The following FRMD4A variants were observed in gnomAD, a reference collection of about 807,000 sequenced individuals.
FRMD4A encodes the protein FERM domain-containing protein 4A.
In FRMD4A, 29 loss-of-function variants were observed where a neutral mutation model predicts 129.1. The observed-to-expected ratio is 0.22, with a 90% CI of 0.17 to 0.31. The LOEUF (loss-of-function observed/expected upper bound fraction) is 0.31, where lower values mean the gene tolerates loss of function less well. FRMD4A is among the 10% of genes least tolerant of loss of function. The pLI, the probability that FRMD4A is intolerant of heterozygous loss-of-function variation, is 1.00. For synonymous variants in FRMD4A, 634 were observed against 571.6 expected, an observed-to-expected ratio of 1.11 and a Z score of -1.56; for missense variants, 1,272 against 1,375.8, an observed-to-expected ratio of 0.92 and a Z score of 1.19.
At chr10:13,916,109 A>C (rs1565031871) in intron 2 of FRMD4A, among the ~76,000 whole-genome samples, 1 of 152,298 alleles carries the variant, frequency 6.6e-6, no homozygotes, top group South Asian at 2.1e-4. Context: ...CTCAAGATGG[A>C]AGCCAGTATC....
intron 4 of FRMD4A, among the ~76,000 whole-genome samples, chr10:13,796,874 C>T (rs890387410): frequency 3.3e-5 from 5 of 152,118 alleles, no homozygotes; most frequent in Admixed American, 1.3e-4. Context: ...CATGAGCCAC[C>T]ATGCCCGGCT....
At chr10:14,119,131 G>T (rs912946068) in intron 2 of FRMD4A, among the ~76,000 whole-genome samples, 2 of 152,130 alleles carry the variant, frequency 1.3e-5, no homozygotes, top group Non-Finnish European at 2.9e-5. Context: ...AAGCACTCAG[G>T]GCAGGCCAAG....
intron 2 of FRMD4A, among the ~76,000 whole-genome samples, chr10:14,127,692 C>A (rs1838922132): frequency 6.6e-6 from 1 of 152,274 alleles, no homozygotes; most frequent in Middle Eastern, 3.4e-3. Flanking sequence ...CTGACTATAT[C>A]CCCACTGAAC....
intron 2 of FRMD4A, among the ~76,000 whole-genome samples, chr10:14,170,976 C>T (rs897749342): frequency 2.1e-4 from 32 of 151,730 alleles, no homozygotes; most frequent in Non-Finnish European, 1.5e-4. Context: ...GCAAATTTTG[C>T]AGCCACCATG....
intron 11 of FRMD4A, 88 bp from the exon 12 acceptor site, chr10:13,738,018 G>A (rs1430520535): frequency 1.3e-5 from 10 of 752,630 alleles, no homozygotes; most frequent in African/African-American, 6.9e-5. Context: ...AGGGGCAGAC[G>A]AGGGAAAGGG....
rs188964221 is a variant in FRMD4A, at chr10:14,134,159, C to A, written c.45+195899G>T. Among the ~76,000 whole-genome samples the A allele has an allele frequency of 2.0e-4, 31 of 152,196 alleles. 1 individual carries two copies. The highest frequency in any genetic ancestry group is 2.0e-3 in the Admixed American group (31 of 15,296). ...CTTGGGCTTCATTTTACCATTTTCT[C>A]TTTGTCTTTTTTTGTTTATTCCCAT... On this transcript the variant is annotated intron_variant, in intron 2 of 24. Transcript: ENST00000357447.
intron 3 of FRMD4A, among the ~76,000 whole-genome samples, chr10:13,849,825 G>C (rs2094116219): frequency 6.6e-6 from 1 of 151,768 alleles, no homozygotes; most frequent in Non-Finnish European, 1.5e-5. Context: ...AAGTTGCTAA[G>C]GCTGGGCTAT....
At chr10:14,070,750 T>C (rs1588907130) in intron 2 of FRMD4A, among the ~76,000 whole-genome samples, 2 of 152,334 alleles carry the variant, frequency 1.3e-5, no homozygotes, top group South Asian at 2.1e-4. Flanking sequence ...CTAGACATCA[T>C]GCTAGGCACT....
chr10:13,890,839 A>G (rs2094687070), intron 2 of FRMD4A: 1 of 985,234 alleles, frequency 1.0e-6, no homozygotes, highest in Non-Finnish European at 1.2e-6. Flanking sequence ...TCTATTAAGA[A>G]GCCGTCGCCA....
intron 2 of FRMD4A, among the ~76,000 whole-genome samples, chr10:13,898,252 A>G (rs1773632813): frequency 6.6e-6 from 1 of 152,132 alleles, no homozygotes; most frequent in Non-Finnish European, 1.5e-5. Context: ...GCGTGCCTGT[A>G]GTCCCAGCTA....
intron 3 of FRMD4A, among the ~76,000 whole-genome samples, chr10:13,853,188 T>G (rs573034132): frequency 4.9e-4 from 74 of 152,264 alleles, no homozygotes; most frequent in Middle Eastern, 3.4e-3. Flanking sequence ...AGGTTCACTG[T>G]GGCAGAATTG....
At chr10:14,192,143 A>G (rs1842338524) in intron 2 of FRMD4A, among the ~76,000 whole-genome samples, 1 of 152,164 alleles carries the variant, frequency 6.6e-6, no homozygotes, top group Non-Finnish European at 1.5e-5. Context: ...TTATCATCCA[A>G]GGGAATTCCA....
intron 2 of FRMD4A, among the ~76,000 whole-genome samples, chr10:14,291,898 TA>T (rs1174651440): frequency 2.6e-5 from 4 of 152,014 alleles, no homozygotes; most frequent in Non-Finnish European, 4.4e-5. Context: ...CTTAAAAGAT[TA>T]AATAATTTGT....
chr10:13,958,257 G>A (rs2095421875), intron 2 of FRMD4A, among the ~76,000 whole-genome samples: 1 of 150,400 alleles, frequency 6.6e-6, no homozygotes, highest in Non-Finnish European at 1.5e-5. Flanking sequence ...TAAAACAGTC[G>A]CGTGAACAAC....
At chr10:13,736,810 TC>T (rs2090653634) in intron 12 of FRMD4A, among the ~76,000 whole-genome samples, 1 of 152,214 alleles carries the variant, frequency 6.6e-6, no homozygotes, top group Non-Finnish European at 1.5e-5. Context: ...TCTCCTTTAT[TC>T]TCCACCGGGG....
At chr10:14,085,077 C>T (rs557946556) in intron 2 of FRMD4A, among the ~76,000 whole-genome samples, 6 of 152,322 alleles carry the variant, frequency 3.9e-5, no homozygotes, top group African/African-American at 1.4e-4. Flanking sequence ...AACCACAATA[C>T]ATTCTTCTAA....
At chr10:13,695,159 T>C (rs2134838053) in intron 14 of FRMD4A, among the ~76,000 whole-genome samples, 1 of 152,220 alleles carries the variant, frequency 6.6e-6, no homozygotes, top group South Asian at 2.1e-4. Context: ...TTTTTTTTTT[T>C]TTTGAGACAG....
intron 2 of FRMD4A, among the ~76,000 whole-genome samples, chr10:13,947,857 A>T (rs2941684): frequency 6.6e-6 from 1 of 152,038 alleles, no homozygotes; most frequent in African/African-American, 2.4e-5. Context: ...CTTTTCAAAT[A>T]TTCTGGCCTG....
intron 2 of FRMD4A, among the ~76,000 whole-genome samples, chr10:14,089,495 T>C (rs1174731650): frequency 1.3e-5 from 2 of 152,098 alleles, no homozygotes. Context: ...GCCCGTTCTA[T>C]GTTTTCAGTA....
Sources: allele counts gnomAD v4.1 joint callset (sites outside exome capture counted in the v4.1 genomes callset), GRCh38; gene constraint gnomAD v4.1.1; transcripts MANE v1.5; gene names NCBI Gene and HGNC (gene_info 2026-07-23, HGNC 2026-07-21).